The following SLC38A8 variants were observed in gnomAD, a reference collection of about 807,000 sequenced individuals.
The protein encoded by SLC38A8 is amino acid transporter SLC38A8.
Under a neutral mutation model 46.0 loss-of-function variants are expected in SLC38A8, and 65 were observed. The observed-to-expected ratio is 1.41, with a 90% confidence interval of 1.16 to 1.74. The LOEUF (loss-of-function observed/expected upper bound fraction) is 1.74, where lower values mean the gene tolerates loss of function less well. Among genes scored for constraint, SLC38A8 ranks in the 40% most tolerant of loss-of-function variants. SLC38A8 has a pLI of 0.00. For missense variants in SLC38A8, 998 were observed against 567.9 expected (o/e 1.76, Z -7.70); for synonymous variants, 447 against 243.7 (o/e 1.83, Z -7.77).
At chr16:84,032,045 G>C in intron 4 of SLC38A8, 77 bp from the exon 5 acceptor site, 14 of 1,245,888 alleles carry the variant, frequency 1.1e-5, no homozygotes, top group Non-Finnish European at 1.4e-5. Context: ...AGTGGGATCT[G>C]AATCCCAGCT....
At chr16:84,034,123 T>C (rs145735736) in intron 3 of SLC38A8, among the ~76,000 whole-genome samples, 2 of 152,318 alleles carry the variant, frequency 1.3e-5, no homozygotes, top group Non-Finnish European at 2.9e-5. Context: ...CACCTGGGCC[T>C]TCCCTGCAGT....
intron 7 of SLC38A8, among the ~76,000 whole-genome samples, chr16:84,018,861 A>T (rs8055931): frequency 0.44 from 67,329 of 151,484 alleles, 16,295 homozygotes; most frequent in Non-Finnish European, 0.54. Flanking sequence ...AGTCACTAGG[A>T]GATATATGGG....
In SLC38A8 at chr16:84,017,241, G is replaced by C. The variant is rs370464719; in HGVS notation, c.852C>G (p.Val284=). The change falls in exon 8 of 11, where the codon GTC becomes GTG. Residue 284 remains valine (V), a synonymous_variant. Coordinates refer to ENST00000299709, the MANE Select transcript of SLC38A8 (RefSeq NM_001080442.3). ...LTFGTEVSAD[V]LMSYPGNDMV... is the part of the protein sequence containing the mutation. Reference sequence around the variant, plus strand: ...TATCATTGCCTGGGTAGGACATCAAGACGTCAGCAGAAACTTCTGTCCCAA... The same window carrying C: ...TATCATTGCCTGGGTAGGACATCAACACGTCAGCAGAAACTTCTGTCCCAA... The C allele has an allele frequency of 8.7e-6, 14 of 1,614,102 alleles. No homozygotes were observed. Among genetic ancestry groups the C allele is most frequent in the Middle Eastern group, 1.6e-4 (1 of 6,062 alleles).
Position 84,017,126 on chromosome 16 carries a change from GA to G in SLC38A8, c.953+13del. 1 of 1,613,756 alleles carries G rather than the reference GA, an allele frequency of 6.2e-7. No homozygotes were observed. Among genetic ancestry groups the G allele is most frequent in the Non-Finnish European group, 8.5e-7 (1 of 1,179,920 alleles). ...ACCATGCTTCACGGTGCCCCCCACT[GA>G]GCCAGGCCTCACCTCCCCAGGAAGA... is the stretch of plus-strand genomic sequence containing the variant. On this transcript the variant is annotated intron_variant, in intron 8 of 10. Transcript: ENST00000299709.
chr16:84,035,317 G>T (rs539877461), intron 3 of SLC38A8, among the ~76,000 whole-genome samples: 1 of 152,166 alleles, frequency 6.6e-6, no homozygotes, highest in Non-Finnish European at 1.5e-5. Flanking sequence ...GTATAAGGTC[G>T]TGTTTACCAA....
chr16:84,013,553 C>G (rs1035423789), intron 9 of SLC38A8, among the ~76,000 whole-genome samples: 1 of 150,480 alleles, frequency 6.6e-6, no homozygotes, highest in Non-Finnish European at 1.5e-5. Flanking sequence ...GCCTCAGCCT[C>G]CCGAGTAGCT....
chr16:84,011,601 C>G (rs1040832117), intron 10 of SLC38A8, among the ~76,000 whole-genome samples: 7 of 152,320 alleles, frequency 4.6e-5, no homozygotes, highest in African/African-American at 1.7e-4. Flanking sequence ...TCATGTCTAC[C>G]TGGAACCTGT....
intron 2 of SLC38A8, among the ~76,000 whole-genome samples, chr16:84,040,805 C>T (rs2085358976): frequency 6.6e-6 from 1 of 152,186 alleles, no homozygotes; most frequent in African/African-American, 2.4e-5. Context: ...CGGCATGATC[C>T]ACCATCTGAA....
chr16:84,037,470 T>C (rs920900597), intron 2 of SLC38A8, among the ~76,000 whole-genome samples: 1 of 152,114 alleles, frequency 6.6e-6, no homozygotes, highest in African/African-American at 2.4e-5. Context: ...GCTCAAGAAA[T>C]GGTGTTCCGG....
chr16:84,016,463 C>G (rs1405181937), intron 9 of SLC38A8, 56 bp downstream of exon 9: 9 of 1,581,700 alleles, frequency 5.7e-6, no homozygotes, highest in Non-Finnish European at 7.8e-6. Context: ...GGAGTCCCCA[C>G]AGAGATGAGC....
rs746242968 is a variant in SLC38A8, at chr16:84,009,829, G to A, written c.1263C>T (p.Phe421=). 1.5e-5 allele frequency: 24 copies of A among 1,614,016 alleles called. No homozygotes were observed. The South Asian group carries it at 2.5e-4, about 17-fold the overall frequency. ...CTGCCGCCGTGCTCTGCCCAAAGAT[G>A]AAGGTGCCGACCAGCACAGAGACCA... The part of the protein sequence containing the change: ...WGVVSVLVGT[F]IFGQSTAAAV... Residue 421 remains phenylalanine, a synonymous_variant, in exon 11 of 11, where the codon TTC becomes TTT. Transcript: ENST00000299709.
rs756329107 is a variant in SLC38A8, at chr16:84,017,074, A to G, written c.953+66T>C. The G allele has an allele frequency of 3.3e-4, 526 of 1,589,094 alleles. 1 individual carries two copies. Among genetic ancestry groups the G allele is most frequent in the South Asian group, 4.4e-4 (39 of 87,722 alleles). On this transcript the variant is annotated intron_variant, in intron 8 of 10. Coordinates refer to ENST00000299709, the MANE Select transcript of SLC38A8 (RefSeq NM_001080442.3). ...CAGCCGCGTAGCCCACACCTGGTAC[A>G]TGCTCAATCACAGCACACATCAGCA...
At chr16:84,019,846 C>T (rs1405792978) in intron 7 of SLC38A8, among the ~76,000 whole-genome samples, 1 of 152,254 alleles carries the variant, frequency 6.6e-6, no homozygotes, top group Non-Finnish European at 1.5e-5. Flanking sequence ...GCCTGAAACC[C>T]AGCAGAGCAG....
At chr16:84,010,578 C>T (rs12929381) in intron 10 of SLC38A8, among the ~76,000 whole-genome samples, 7,050 of 151,830 alleles carry the variant, frequency 0.046, 201 homozygotes, top group Middle Eastern at 0.095. Flanking sequence ...CCCATCTCTA[C>T]TAAAAATAAA....
rs561063844 is a variant in SLC38A8 at position 84,016,857 on chromosome 16, T to A, written c.954-130A>T. Reference sequence around the variant, plus strand: ...CTCCTGTTCCACACTCAGGTGTTTATTCCCCAGGAGACCTTGCCAACCCTC... The same window carrying A: ...CTCCTGTTCCACACTCAGGTGTTTAATCCCCAGGAGACCTTGCCAACCCTC... On this transcript the variant is annotated intron_variant, in intron 8 of 10. Coordinates refer to ENST00000299709, the MANE Select transcript of SLC38A8 (RefSeq NM_001080442.3). 4.3e-6 allele frequency: 5 copies of A among 1,149,856 alleles called. No individual in the cohort carries two copies. The East Asian group carries it at 7.7e-5, about 18-fold the overall frequency. The allele number at this position is 1,149,856 out of a possible 1,614,324, so 71.2% of individuals were successfully genotyped here.
chr16:84,022,152 A>T (rs1164039860), intron 7 of SLC38A8, among the ~76,000 whole-genome samples: 1 of 152,226 alleles, frequency 6.6e-6, no homozygotes, highest in Non-Finnish European at 1.5e-5. Context: ...ACAGGAGTCC[A>T]AGGCTGCCTG....
rs1304088346 is a variant in SLC38A8 at position 84,036,698 on chromosome 16, T to C, written c.388+4A>G. 4 of 1,614,076 alleles carry C rather than the reference T, an allele frequency of 2.5e-6. No individual in the cohort carries two copies. On this transcript the variant is annotated splice_donor_region_variant and intron_variant, in intron 3 of 10. Coordinates refer to ENST00000299709, the MANE Select transcript of SLC38A8 (RefSeq NM_001080442.3). Reference sequence around the variant, plus strand: ...GCCACCCCGAGTCCCATGAAGGTACTTACGCTTCTCCAGCTGGTCCCCGAT... The same window carrying C: ...GCCACCCCGAGTCCCATGAAGGTACCTACGCTTCTCCAGCTGGTCCCCGAT...
At chr16:84,042,239 C>T (rs1389077596) in intron 1 of SLC38A8, 80 bp from the exon 2 acceptor site, 6 of 1,464,398 alleles carry the variant, frequency 4.1e-6, no homozygotes, top group South Asian at 2.7e-5. Flanking sequence ...TATTTGTCTC[C>T]CCAACTCAGT....
intron 9 of SLC38A8, among the ~76,000 whole-genome samples, chr16:84,015,017 G>C (rs544529363): frequency 6.6e-6 from 1 of 152,072 alleles, no homozygotes; most frequent in Non-Finnish European, 1.5e-5. Flanking sequence ...TTCACCAATG[G>C]GCATCTACTT....
Sources: allele counts gnomAD v4.1 joint callset (sites outside exome capture counted in the v4.1 genomes callset), GRCh38; gene constraint gnomAD v4.1.1; transcripts MANE v1.5; gene names NCBI Gene and HGNC (gene_info 2026-07-23, HGNC 2026-07-21).